Variants in GSG1L observed in about 807,000 individuals in gnomAD.
GSG1L encodes the protein GSG1 like, also known as germ cell-specific gene 1-like protein.
In GSG1L, 24 loss-of-function variants were observed where a neutral mutation model predicts 42.1. The ratio of observed to expected loss-of-function variants is 0.57; its 90% CI spans 0.41 to 0.80. GSG1L has a LOEUF of 0.80. Among genes scored for constraint, GSG1L ranks in the 30% least tolerant of loss-of-function variants. The pLI, the probability that GSG1L is intolerant of heterozygous loss-of-function variation, is 0.00. For synonymous variants in GSG1L, 215 were observed against 203.5 expected, an observed-to-expected ratio of 1.06 and a Z score of -0.48; for missense variants, 445 against 472.2, an observed-to-expected ratio of 0.94 and a Z score of 0.53.
chr16:28,051,091 A>G (rs910013535), intron 1 of GSG1L, among the ~76,000 whole-genome samples: 2 of 152,178 alleles, frequency 1.3e-5, no homozygotes, highest in African/African-American at 4.8e-5. Context: ...TGTTCATGAA[A>G]ATGAATGAAA....
At chr16:27,905,613 A>G (rs974969927) in intron 2 of GSG1L, among the ~76,000 whole-genome samples, 1 of 152,162 alleles carries the variant, frequency 6.6e-6, no homozygotes, top group Non-Finnish European at 1.5e-5. Flanking sequence ...CACCTTTAAG[A>G]CATGGACAGA....
intron 5 of GSG1L, among the ~76,000 whole-genome samples, chr16:27,822,475 G>A (rs1003528691): frequency 1.3e-5 from 2 of 152,030 alleles, no homozygotes; most frequent in Non-Finnish European, 2.9e-5. Context: ...GGAGAGCAGC[G>A]GCGCCATCAT....
At chr16:27,951,460 C>T (rs776143788) in intron 2 of GSG1L, among the ~76,000 whole-genome samples, 3 of 152,122 alleles carry the variant, frequency 2.0e-5, no homozygotes, top group Non-Finnish European at 4.4e-5. Context: ...GTACCCAGTC[C>T]CTCGGGAGCA....
At chr16:27,997,097 G>A (rs534192674) in intron 1 of GSG1L, among the ~76,000 whole-genome samples, 12 of 152,108 alleles carry the variant, frequency 7.9e-5, no homozygotes, top group Non-Finnish European at 1.6e-4. Flanking sequence ...AGTCCACCAT[G>A]GTTCTCACTA....
At chr16:27,877,273 G>T (rs1046388374) in intron 3 of GSG1L, among the ~76,000 whole-genome samples, 1 of 152,144 alleles carries the variant, frequency 6.6e-6, no homozygotes. Flanking sequence ...CACGAGAAAG[G>T]CCGTGGTCTA....
chr16:27,795,737 T>A (rs1256855596), intron 6 of GSG1L, among the ~76,000 whole-genome samples: 1 of 152,184 alleles, frequency 6.6e-6, no homozygotes, highest in African/African-American at 2.4e-5. Flanking sequence ...TAGCAGAGTA[T>A]TTGACCACAG....
chr16:27,836,061 G>A (rs1201361593), intron 4 of GSG1L, among the ~76,000 whole-genome samples: 1 of 152,102 alleles, frequency 6.6e-6, no homozygotes, highest in African/African-American at 2.4e-5. Flanking sequence ...TTCTTCATCT[G>A]AGGATGTCGT....
At chr16:28,041,864 T>A (rs2086110014) in intron 1 of GSG1L, among the ~76,000 whole-genome samples, 4 of 152,236 alleles carry the variant, frequency 2.6e-5, no homozygotes, top group African/African-American at 7.2e-5. Flanking sequence ...TCGCTGGGCA[T>A]CGCAGATGTT....
intron 1 of GSG1L, among the ~76,000 whole-genome samples, chr16:28,057,178 G>A (rs1357007834): frequency 6.6e-6 from 1 of 152,164 alleles, no homozygotes; most frequent in East Asian, 1.9e-4. Context: ...GAGTGAGGAA[G>A]GGTCCGGAGT....
chr16:27,881,235 A>G (rs1028434757), intron 3 of GSG1L, among the ~76,000 whole-genome samples: 1 of 140,106 alleles, frequency 7.1e-6, no homozygotes, highest in African/African-American at 2.6e-5. Context: ...AATAAGTATC[A>G]TACTTTTTTT....
Position 27,820,923 on chromosome 16 carries a change from T to C in GSG1L, c.830+7866A>G, listed in dbSNP as rs574677366. ...TCACACCAAGTTGCTTAGATTTTCC[T>C]AAATGTGCTTCGTGTGTCGGCCCCT... On this transcript the variant is annotated intron_variant, in intron 5 of 6. Transcript: ENST00000447459. 9.8e-5 allele frequency among the ~76,000 whole-genome samples: 15 copies of C among 152,328 alleles called. No homozygotes were observed. In the South Asian group the frequency reaches 3.1e-3, roughly 32 times the overall value.
chr16:27,850,080 G>A (rs944278460), intron 3 of GSG1L, among the ~76,000 whole-genome samples: 1 of 129,842 alleles, frequency 7.7e-6, no homozygotes, highest in Admixed American at 9.7e-5. Context: ...CCAGGCTGGA[G>A]TGCAGTGGCA....
intron 1 of GSG1L, among the ~76,000 whole-genome samples, chr16:27,982,403 C>T (rs950562598): frequency 1.1e-4 from 16 of 152,270 alleles, no homozygotes; most frequent in African/African-American, 3.6e-4. Flanking sequence ...CAGTGGGTCA[C>T]GTGACTAGTT....
intron 3 of GSG1L, among the ~76,000 whole-genome samples, chr16:27,868,904 A>G (rs1215505072): frequency 6.6e-6 from 1 of 152,180 alleles, no homozygotes; most frequent in East Asian, 1.9e-4. Flanking sequence ...CTTGAGTTTC[A>G]GCCTCCGAGA....
chr16:27,960,681 G>A (rs771501672), intron 2 of GSG1L, among the ~76,000 whole-genome samples: 60 of 152,140 alleles, frequency 3.9e-4, no homozygotes, highest in Non-Finnish European at 7.3e-4. Context: ...ACGTTACTGC[G>A]GGTGTCTACT....
chr16:27,899,911 G>C (rs766948207), intron 2 of GSG1L, among the ~76,000 whole-genome samples: 1 of 152,194 alleles, frequency 6.6e-6, no homozygotes, highest in South Asian at 2.1e-4. Context: ...GGGAGGTACT[G>C]TCCAACTGGG....
intron 3 of GSG1L, among the ~76,000 whole-genome samples, chr16:27,855,394 A>G (rs982952726): frequency 2.0e-5 from 3 of 152,128 alleles, no homozygotes; most frequent in Admixed American, 6.5e-5. Context: ...AGTATTTGCT[A>G]CAAGCCTGAC....
At chr16:27,921,888 G>A (rs2084528714) in intron 2 of GSG1L, among the ~76,000 whole-genome samples, 1 of 152,104 alleles carries the variant, frequency 6.6e-6, no homozygotes. Flanking sequence ...GCATCAGAAT[G>A]TCACTATTTC....
chr16:27,833,431 T>C (rs768408169), intron 4 of GSG1L, among the ~76,000 whole-genome samples: 11 of 152,216 alleles, frequency 7.2e-5, no homozygotes, highest in Non-Finnish European at 1.5e-4. Context: ...GTACTCTAAT[T>C]CATCCTGCCT....
Sources: gnomAD v4.1 joint callset for allele counts (sites outside exome capture counted in the v4.1 genomes callset) on GRCh38, gnomAD v4.1.1 for gene constraint, MANE v1.5 for transcripts, NCBI Gene and HGNC (gene_info 2026-07-23, HGNC 2026-07-21) for gene names.